Variants in RFX3 observed in about 807,000 individuals in gnomAD.
The protein encoded by RFX3 is regulatory factor X3.
RFX3 carries 14 observed loss-of-function variants against 98.6 expected under a neutral mutation model. The observed-to-expected ratio is 0.14, with a 90% CI of 0.09 to 0.22. The LOEUF is 0.22. RFX3 is among the 10% of genes least tolerant of loss of function. The pLI, the probability that RFX3 is intolerant of heterozygous loss-of-function variation, is 1.00. For synonymous variants in RFX3, 383 were observed against 328.4 expected, an observed-to-expected ratio of 1.17 and a Z score of -1.80; for missense variants, 639 against 926.9, an observed-to-expected ratio of 0.69 and a Z score of 4.03.
At chr9:3,259,063 A>G (rs2131150725) in intron 13 of RFX3, among the ~76,000 whole-genome samples, 1 of 152,096 alleles carries the variant, frequency 6.6e-6, no homozygotes, top group South Asian at 2.1e-4. Flanking sequence ...GTTTTATTGC[A>G]TCATATACTA....
At chr9:3,231,481 A>C (rs1318441358) in intron 15 of RFX3, among the ~76,000 whole-genome samples, 1 of 152,198 alleles carries the variant, frequency 6.6e-6, no homozygotes, top group African/African-American at 2.4e-5. Flanking sequence ...AGTCAGATCA[A>C]TTTGGAAATA....
chr9:3,340,551 T>C (rs1414173709), intron 3 of RFX3, among the ~76,000 whole-genome samples: 1 of 151,816 alleles, frequency 6.6e-6, no homozygotes, highest in Admixed American at 6.6e-5. Context: ...TCAAACAAAT[T>C]TACAAGAAAA....
intron 15 of RFX3, 26 bp downstream of exon 15, chr9:3,248,006 G>T (rs1326084476): frequency 2.5e-6 from 4 of 1,613,972 alleles, no homozygotes; most frequent in East Asian, 4.5e-5. Flanking sequence ...AACCCAGTGG[G>T]TCACAGCTCT....
At chr9:3,373,970 C>G (rs759230226) in intron 2 of RFX3, among the ~76,000 whole-genome samples, 1 of 151,916 alleles carries the variant, frequency 6.6e-6, no homozygotes. Context: ...CCCAGCTACT[C>G]GGGAGGCTGA....
chr9:3,267,777 A>T (rs1228277255), intron 11 of RFX3, among the ~76,000 whole-genome samples: 1 of 151,940 alleles, frequency 6.6e-6, no homozygotes, highest in African/African-American at 2.4e-5. Flanking sequence ...AGAACCATGG[A>T]GGGCAGGCAT....
In RFX3 at chr9:3,386,070, G is replaced by C. The variant is rs140159384; in HGVS notation, c.117+9402C>G. ...GGAAGTTGGTGTTGGTTCTGATCTA[G>C]AGTCTGAGCCTCCCTGACTCATAAT... On this transcript the variant is annotated intron_variant, in intron 2 of 16. Transcript: ENST00000617270. Among the ~76,000 whole-genome samples the C allele has an allele frequency of 9.9e-5, 15 of 152,278 alleles. No homozygotes were observed. In the East Asian group the frequency reaches 2.7e-3, roughly 27 times the overall value.
chr9:3,524,587 C>A lies in RFX3; in HGVS notation c.-9+1160G>T, dbSNP rs1256381184. The A allele has an allele frequency of 8.2e-6, 8 of 978,000 alleles. No homozygotes were observed. In the African/African-American group the frequency reaches 1.2e-4, roughly 15 times the overall value. The allele number at this position is 978,000 out of a possible 1,614,324, so 60.6% of individuals were successfully genotyped here. On this transcript the variant is annotated intron_variant, in intron 1 of 16. Coordinates refer to ENST00000617270, the MANE Select transcript of RFX3 (RefSeq NM_001282116.2). Reference sequence around the variant, plus strand: ...AAAAAAAACTCTTAAAGTACCATAACTGTCACAAATAACACTGTGAACTGA... The same window carrying A: ...AAAAAAAACTCTTAAAGTACCATAAATGTCACAAATAACACTGTGAACTGA...
At chr9:3,351,552 G>A (rs1448598140) in intron 2 of RFX3, among the ~76,000 whole-genome samples, 1 of 151,688 alleles carries the variant, frequency 6.6e-6, no homozygotes, top group Non-Finnish European at 1.5e-5. Context: ...ACATATAATT[G>A]AATAAATAGT....
At chr9:3,240,700 G>A (rs1819796059) in intron 15 of RFX3, among the ~76,000 whole-genome samples, 2 of 152,160 alleles carry the variant, frequency 1.3e-5, no homozygotes, top group African/African-American at 4.8e-5. Flanking sequence ...ATTCCTGTGA[G>A]TTTAGGAATT....
chr9:3,392,443 T>TAA (rs34745040), intron 2 of RFX3, among the ~76,000 whole-genome samples: 5 of 135,788 alleles, frequency 3.7e-5, no homozygotes, highest in African/African-American at 1.4e-4. Context: ...TCCTGAAAAT[T>TAA]AAAAAAAAAG....
At chr9:3,407,356 T>C (rs1842059846) in intron 1 of RFX3, among the ~76,000 whole-genome samples, 2 of 152,302 alleles carry the variant, frequency 1.3e-5, no homozygotes, top group Admixed American at 6.5e-5. Flanking sequence ...AATCCTGATG[T>C]AGGTACTATT....
At chr9:3,397,081 T>A (rs1047484920) in intron 1 of RFX3, among the ~76,000 whole-genome samples, 2 of 152,226 alleles carry the variant, frequency 1.3e-5, no homozygotes, top group African/African-American at 2.4e-5. Context: ...ATCATGTAAA[T>A]GAGATTTGTA....
intron 16 of RFX3, among the ~76,000 whole-genome samples, chr9:3,228,195 G>C (rs554449628): frequency 2.0e-4 from 30 of 152,178 alleles, no homozygotes; most frequent in African/African-American, 6.7e-4. Context: ...TATAAAGGTG[G>C]GTAAGATTTG....
intron 1 of RFX3, among the ~76,000 whole-genome samples, chr9:3,495,143 A>T (rs970372738): frequency 1.3e-5 from 2 of 151,724 alleles, no homozygotes; most frequent in Admixed American, 6.6e-5. Context: ...ACTTTCCCCT[A>T]TTCAACCATT....
At chr9:3,260,047 G>A (rs1822666334) in intron 13 of RFX3, among the ~76,000 whole-genome samples, 1 of 152,014 alleles carries the variant, frequency 6.6e-6, no homozygotes, top group Non-Finnish European at 1.5e-5. Flanking sequence ...GCAAAACTAG[G>A]AAAAGAAAAG....
intron 4 of RFX3, among the ~76,000 whole-genome samples, chr9:3,315,409 C>A (rs928520685): frequency 1.3e-5 from 2 of 152,068 alleles, no homozygotes; most frequent in Non-Finnish European, 2.9e-5. Flanking sequence ...TAAATGCCCA[C>A]AAGAGAAAGC....
intron 4 of RFX3, among the ~76,000 whole-genome samples, chr9:3,321,851 TATAA>T (rs2130756520): frequency 6.6e-6 from 1 of 152,216 alleles, no homozygotes; most frequent in South Asian, 2.1e-4. Context: ...TTTATAAATA[TATAA>T]ATATTCAGTT....
chr9:3,343,175 G>A (rs1226535549), intron 3 of RFX3, among the ~76,000 whole-genome samples: 1 of 152,186 alleles, frequency 6.6e-6, no homozygotes, highest in Non-Finnish European at 1.5e-5. Flanking sequence ...CTTCTTGAGT[G>A]AGACCCCATG....
At position 3,224,978 on chromosome 9, in the gene RFX3, T is replaced by C. The variant is rs1223396968; in HGVS notation, c.*64A>G. 17 of 1,510,404 alleles carry C rather than the reference T, an allele frequency of 1.1e-5. No individual in the cohort carries two copies. The East Asian group carries it at 3.6e-4, about 32-fold the overall frequency. The allele number at this position is 1,510,404 out of a possible 1,614,324, so 93.6% of individuals were successfully genotyped here. On this transcript the variant is annotated 3_prime_UTR_variant, in exon 17 of 17. Transcript: ENST00000617270. ...ACAGTCGACCTTCAGGCTTATTAAA[T>C]TTTCAACTTAAGCCCAATATCAACA...
Sources: gnomAD v4.1 joint callset for allele counts (sites outside exome capture counted in the v4.1 genomes callset) on GRCh38, gnomAD v4.1.1 for gene constraint, MANE v1.5 for transcripts, NCBI Gene and HGNC (gene_info 2026-07-23, HGNC 2026-07-21) for gene names.